SBNO2: variants seen among roughly 807,000 people sequenced by gnomAD.
SBNO2 encodes the protein protein strawberry notch homolog 2.
Under a neutral mutation model 146.3 loss-of-function variants are expected in SBNO2, and 89 were observed. The ratio of observed to expected loss-of-function variants is 0.61; its 90% CI spans 0.51 to 0.73. The LOEUF (loss-of-function observed/expected upper bound fraction) is 0.73, where lower values mean the gene tolerates loss of function less well. SBNO2 is among the 30% of genes least tolerant of loss of function. The probability of loss-of-function intolerance (pLI) is 0.00; values close to 1 mark genes in which losing one functional copy is unlikely to be tolerated. For missense variants in SBNO2, 2,092 were observed against 2,003.7 expected (o/e 1.04, Z -0.84); for synonymous variants, 1,147 against 892.6 (o/e 1.29, Z -5.08).
Position 1,165,360 on chromosome 19 carries a change from G to T in SBNO2, c.-127+8812C>A, listed in dbSNP as rs75891404. ...CCCGAAAGTGGAAGCCACAGGGCCA[G>T]GGGGACGTCGTGGCTGAGATGCGAG... On this transcript the variant is annotated intron_variant, in intron 1 of 31. Coordinates refer to ENST00000361757, the MANE Select transcript of SBNO2 (RefSeq NM_014963.3). Among the ~76,000 whole-genome samples the T allele has an allele frequency of 1.1e-4, 16 of 152,278 alleles. No individual in the cohort carries two copies. The East Asian group carries it at 3.1e-3, about 29-fold the overall frequency.
At chr19:1,124,596 G>A (rs937424231) in intron 5 of SBNO2, among the ~76,000 whole-genome samples, 1 of 152,192 alleles carries the variant, frequency 6.6e-6, no homozygotes, top group Non-Finnish European at 1.5e-5. Context: ...AAGAACCCCC[G>A]TGGGTGCAGT....
rs2079964125 is a variant in SBNO2, at chr19:1,126,235, G to A, written c.441+1369C>T. On this transcript the variant is annotated intron_variant, in intron 5 of 31. Coordinates refer to ENST00000361757, the MANE Select transcript of SBNO2 (RefSeq NM_014963.3). The surrounding 1 kb of genome is among the most constrained non-coding windows in gnomAD (Gnocchi z 4.4). Reference sequence around the variant, plus strand: ...TTAAAGAAAGTGGAAGCGTGGCACAGGAAGGTTAGAAACCTATACTCAGTT... The same window carrying A: ...TTAAAGAAAGTGGAAGCGTGGCACAAGAAGGTTAGAAACCTATACTCAGTT... Among the ~76,000 whole-genome samples the A allele has an allele frequency of 6.6e-6, 1 of 152,114 alleles. No individual in the cohort carries two copies. The highest frequency in any genetic ancestry group is 2.1e-4 in the South Asian group (1 of 4,818).
Position 1,119,084 on chromosome 19 carries a change from C to A in SBNO2, c.1454G>T (p.Gly485Val). The A allele has an allele frequency of 6.2e-7, 1 of 1,606,032 alleles. No individual in the cohort carries two copies. Reference sequence around the variant, plus strand: ...GATCTCCTCGATGCGGAAGGTGACGCCGGAGAAGCTGAGCTGGCGTGCGAT... The same window carrying A: ...GATCTCCTCGATGCGGAAGGTGACGACGGAGAAGCTGAGCTGGCGTGCGAT... ...MYIARQLSFS[G>V]VTFRIEEIPL... The change falls in exon 14 of 32, where the codon GGC becomes GTC. Residue 485 changes from glycine to valine, a missense_variant. Transcript: ENST00000361757.
At chr19:1,123,823 G>A in intron 6 of SBNO2, 119 bp downstream of exon 6, 1 of 1,160,160 alleles carries the variant, frequency 8.6e-7, no homozygotes, top group Non-Finnish European at 1.2e-6. Flanking sequence ...CTATAAAATG[G>A]GCACTCCCAG....
Position 1,149,402 on chromosome 19 carries a change from A to G in SBNO2, c.134T>C (p.Leu45Pro). Reference protein sequence around the residue: ...LHCPYWNTFSLPPYPAFSSDS... With the variant: ...LHCPYWNTFSPPPYPAFSSDS... ...GCTGGAGAAGGCAGGGTATGGCGGC[A>G]GCGAGAAGGTGTTCCAGTAGGGGCA... Residue 45 changes from leucine to proline, a missense_variant, in exon 3 of 32, where the codon CTG becomes CCG. Physicochemically the swap from Leu to Pro is moderately conservative, Grantham distance 98 (BLOSUM62 -3). Transcript: ENST00000361757. The G allele has an allele frequency of 6.4e-7, 1 of 1,552,318 alleles. No individual in the cohort carries two copies. Among genetic ancestry groups the G allele is most frequent in the Non-Finnish European group, 8.7e-7 (1 of 1,148,154 alleles).
At chr19:1,132,761 C>T (rs2080045749) in intron 4 of SBNO2, among the ~76,000 whole-genome samples, 2 of 152,162 alleles carry the variant, frequency 1.3e-5, no homozygotes, top group South Asian at 2.1e-4. Context: ...CCCTGCTGTC[C>T]GTGCCCAGGG....
At chr19:1,124,261 G>C (rs2079939795) in intron 5 of SBNO2, among the ~76,000 whole-genome samples, 1 of 152,206 alleles carries the variant, frequency 6.6e-6, no homozygotes, top group Admixed American at 6.5e-5. Flanking sequence ...GCCAGCACCT[G>C]GCTGCCTTCT....
At chr19:1,117,569 T>A in intron 14 of SBNO2, 70 bp from the exon 15 acceptor site, 1 of 1,469,466 alleles carries the variant, frequency 6.8e-7, no homozygotes, top group Non-Finnish European at 9.1e-7. Flanking sequence ...CCGGCCCACC[T>A]GCCGCCAGCC....
At chr19:1,116,508 G>A (rs1187327537) in intron 16 of SBNO2, among the ~76,000 whole-genome samples, 1 of 152,128 alleles carries the variant, frequency 6.6e-6, no homozygotes, top group African/African-American at 2.4e-5. Flanking sequence ...TGGGGCTTCA[G>A]ACAGCTGGGA....
Position 1,109,204 on chromosome 19 carries a change from G to A in SBNO2, c.3356C>T (p.Ala1119Val), listed in dbSNP as rs754084380. The A allele has an allele frequency of 3.8e-6, 6 of 1,566,416 alleles. No individual in the cohort carries two copies. In the South Asian group the frequency reaches 5.8e-5, roughly 15 times the overall value. Reference protein sequence around the residue: ...SLRRKFHRVTAEEAKEPWESG... With the variant: ...SLRRKFHRVTVEEAKEPWESG... ...CTCCCAGGGCTCCTTGGCCTCCTCC[G>A]CGGTGACCTAGGGACACAGGGCCGC... Residue 1119 changes from alanine (A) to valine (V), a missense_variant, in exon 30 of 32, where the codon GCG becomes GTG. Ala to Val is a moderately conservative substitution (Grantham distance 64). Transcript: ENST00000361757. This position sits in a 1 kb window ranked among gnomAD's most constrained non-coding sequence, Gnocchi z 4.2.
chr19:1,170,824 T>A (rs2082498), intron 1 of SBNO2, among the ~76,000 whole-genome samples: 1 of 151,954 alleles, frequency 6.6e-6, no homozygotes, highest in East Asian at 1.9e-4. Context: ...CACGTTTGCA[T>A]GAGCACGGGT....
chr19:1,120,197 G>A (rs371868308), intron 11 of SBNO2, 174 bp from the exon 12 acceptor site: 73 of 599,032 alleles, frequency 1.2e-4, no homozygotes, highest in Middle Eastern at 3.7e-4. Context: ...GGGGGCGGGC[G>A]GGCAGGCGGC....
rs758019112 is a variant in SBNO2, at chr19:1,144,205, C to T, written c.279+3104G>A. 2.0e-4 allele frequency among the ~76,000 whole-genome samples: 31 copies of T among 151,782 alleles called. No individual in the cohort carries two copies. The highest frequency in any genetic ancestry group is 2.2e-4 in the African/African-American group (9 of 41,310). On this transcript the variant is annotated intron_variant, in intron 4 of 31. Coordinates refer to ENST00000361757, the MANE Select transcript of SBNO2 (RefSeq NM_014963.3). This position sits in a 1 kb window ranked among gnomAD's most constrained non-coding sequence, Gnocchi z 4.1. ...CCACACTCGACACCACAGAACCTTG[C>T]GGCCCAGCCCACAGGACTGAGCTGA...
In SBNO2 at chr19:1,112,992, C is replaced by T. The variant is rs1272800956; in HGVS notation, c.2248-43G>A. The T allele has an allele frequency of 1.3e-6, 2 of 1,522,810 alleles. No homozygotes were observed. The highest frequency in any genetic ancestry group is 1.2e-5 in the South Asian group (1 of 81,986). 94.3% of individuals were successfully genotyped at this position (1,522,810 alleles called of 1,614,324 possible). Reference sequence around the variant, plus strand: ...ACAAAACCGGCCGTCAGTGTTGTGGCCTCGCAGGAGTCTGGCCACCCGTGT... The same window carrying T: ...ACAAAACCGGCCGTCAGTGTTGTGGTCTCGCAGGAGTCTGGCCACCCGTGT... On this transcript the variant is annotated intron_variant, in intron 19 of 31. Transcript: ENST00000361757. The surrounding 1 kb of genome is among the most constrained non-coding windows in gnomAD (Gnocchi z 5.9).
In SBNO2 at chr19:1,158,249, G is replaced by T. The variant is rs373505497; in HGVS notation, c.-126-3847C>A. Among the ~76,000 whole-genome samples the T allele has an allele frequency of 3.3e-3, 505 of 152,272 alleles. 2 individuals carry two copies. The highest frequency in any genetic ancestry group is 0.012 in the African/African-American group (484 of 41,544). On this transcript the variant is annotated intron_variant, in intron 1 of 31. Coordinates refer to ENST00000361757, the MANE Select transcript of SBNO2 (RefSeq NM_014963.3). This position sits in a 1 kb window ranked among gnomAD's most constrained non-coding sequence, Gnocchi z 9.9. ...CGTGTGGAGCCCCTTCGCGCGCTCC[G>T]CCCTCAGACCCGAGCCGTCTGCAGA...
intron 4 of SBNO2, among the ~76,000 whole-genome samples, chr19:1,141,048 C>CGCACCCCGGAGAAGAG (rs2080131522): frequency 6.6e-6 from 1 of 151,316 alleles, no homozygotes; most frequent in African/African-American, 2.4e-5. Context: ...CCGGAGAAGA[C>CGCACCCCGGAGAAGAG]GCACCCCGGA....
At chr19:1,141,289 C>CCTGCAAACT (rs2080135146) in intron 4 of SBNO2, among the ~76,000 whole-genome samples, 1 of 151,940 alleles carries the variant, frequency 6.6e-6, no homozygotes, top group Non-Finnish European at 1.5e-5. Flanking sequence ...ATCTCGGCTC[C>CCTGCAAACT]CTGCAACCTC....
At chr19:1,164,533 G>A (rs1351017121) in intron 1 of SBNO2, among the ~76,000 whole-genome samples, 38 of 97,810 alleles carry the variant, frequency 3.9e-4, no homozygotes, top group African/African-American at 5.6e-4. Flanking sequence ...ACAGGAGGAG[G>A]AGGAGGAGGA....
Position 1,119,529 on chromosome 19 carries a change from C to G in SBNO2, c.1360G>C (p.Ala454Pro). ...AAGGGCACTCACCTCTTCTCGATGG[C>G]GTGCAGGAACTCCTCAAAGTTCCGG... The part of the protein sequence containing the change: ...PFRNFEEFLH[A>P]IEKRGVGAME... The change falls in exon 13 of 32, where the codon GCC becomes CCC. Residue 454 changes from alanine to proline, a missense_variant. Ala to Pro is a conservative substitution (Grantham distance 27). Coordinates refer to ENST00000361757, the MANE Select transcript of SBNO2 (RefSeq NM_014963.3). The G allele has an allele frequency of 1.2e-6, 2 of 1,607,696 alleles. No individual in the cohort carries two copies. The highest frequency in any genetic ancestry group is 1.7e-6 in the Non-Finnish European group (2 of 1,177,052).
Sources: allele counts gnomAD v4.1 joint callset (sites outside exome capture counted in the v4.1 genomes callset), GRCh38; gene constraint gnomAD v4.1.1; non-coding constraint Gnocchi (gnomAD v3.1); transcripts MANE v1.5; gene names NCBI Gene and HGNC (gene_info 2026-07-23, HGNC 2026-07-21).